The following CTNND2 variants were observed in gnomAD, a reference collection of about 807,000 sequenced individuals.
The protein encoded by CTNND2 is catenin delta 2.
In CTNND2, 22 loss-of-function variants were observed where a neutral mutation model predicts 144.4. The observed-to-expected ratio is 0.15, with a 90% CI of 0.11 to 0.22. The LOEUF (loss-of-function observed/expected upper bound fraction) is 0.22. Ranked by LOEUF, CTNND2 falls within the 10% of genes least tolerant of loss-of-function variation. The probability of loss-of-function intolerance (pLI) is 1.00; values close to 1 mark genes in which losing one functional copy is unlikely to be tolerated. For missense variants in CTNND2, 1,353 were observed against 1,618.8 expected, an observed-to-expected ratio of 0.84 and a Z score of 2.82; for synonymous variants, 751 against 695.6, an observed-to-expected ratio of 1.08 and a Z score of -1.25.
intron 1 of CTNND2, among the ~76,000 whole-genome samples, chr5:11,842,500 G>A (rs1348325086): frequency 3.9e-5 from 6 of 151,948 alleles, no homozygotes; most frequent in East Asian, 1.9e-4. Flanking sequence ...CGGGCGGATC[G>A]TGAGGTCAGG....
At chr5:11,265,698 ATTTT>A (rs5865929) in intron 9 of CTNND2, among the ~76,000 whole-genome samples, 138 of 77,426 alleles carry the variant, frequency 1.8e-3, no homozygotes, top group African/African-American at 6.9e-3. Context: ...TGTATTCTCT[ATTTT>A]TTTTTTTTTT....
intron 11 of CTNND2, among the ~76,000 whole-genome samples, chr5:11,186,968 G>C (rs1735693117): frequency 6.6e-6 from 1 of 152,154 alleles, no homozygotes; most frequent in Non-Finnish European, 1.5e-5. Flanking sequence ...ACTATGACCG[G>C]TAAGTGTGGG....
chr5:11,767,713 C>T (rs370085857), intron 1 of CTNND2, among the ~76,000 whole-genome samples: 19 of 152,176 alleles, frequency 1.2e-4, no homozygotes, highest in African/African-American at 4.6e-4. Context: ...TTTGACTGGC[C>T]AAGCACTGAT....
In CTNND2 at chr5:11,887,507, CA is replaced by C. The variant is rs35431230; in HGVS notation, c.37+16309del. 3.5e-3 allele frequency among the ~76,000 whole-genome samples: 494 copies of C among 141,536 alleles called. 5 individuals are homozygous for C. The highest frequency in any genetic ancestry group is 0.011 in the African/African-American group (431 of 38,514). 92.9% of individuals were successfully genotyped at this position (141,536 alleles called of 152,430 possible). On this transcript the variant is annotated intron_variant, in intron 1 of 21. Coordinates refer to ENST00000304623, the MANE Select transcript of CTNND2 (RefSeq NM_001332.4). ...GAGATCTTTAAAAACTTTGAGCAAG[CA>C]AAAAAAAAAACTTCTAGTGTTAAAA...
intron 11 of CTNND2, among the ~76,000 whole-genome samples, chr5:11,179,623 T>C (rs921895017): frequency 1.3e-5 from 2 of 152,160 alleles, no homozygotes; most frequent in African/African-American, 2.4e-5. Flanking sequence ...ATAAGAGATA[T>C]GGTTTTAAAA....
At chr5:11,346,288 T>C (rs1754766970) in intron 9 of CTNND2, 84 bp downstream of exon 9, 1 of 1,269,068 alleles carries the variant, frequency 7.9e-7, no homozygotes, top group African/African-American at 1.5e-5. Flanking sequence ...GTGACATAAA[T>C]GCAACATGAC....
intron 9 of CTNND2, among the ~76,000 whole-genome samples, chr5:11,342,430 A>T (rs61750719): frequency 9.3e-4 from 142 of 152,350 alleles, no homozygotes; most frequent in Middle Eastern, 3.4e-3. Context: ...CATCAGCATT[A>T]AAAATGTGCC....
chr5:11,075,099 C>T (rs1387705129), intron 16 of CTNND2, among the ~76,000 whole-genome samples: 1 of 152,174 alleles, frequency 6.6e-6, no homozygotes, highest in Admixed American at 6.5e-5. Context: ...ATTTTGTTCA[C>T]GTGGGAAAAC....
chr5:11,636,600 C>T (rs536668095), intron 2 of CTNND2, among the ~76,000 whole-genome samples: 1 of 152,262 alleles, frequency 6.6e-6, no homozygotes, highest in African/African-American at 2.4e-5. Flanking sequence ...ACCTCTGGTA[C>T]AATTGGCAAG....
chr5:11,373,937 C>A (rs1757683579), intron 7 of CTNND2, among the ~76,000 whole-genome samples: 1 of 152,140 alleles, frequency 6.6e-6, no homozygotes, highest in Non-Finnish European at 1.5e-5. Context: ...TAGCATGCCT[C>A]CTGCTGGGAA....
intron 2 of CTNND2, among the ~76,000 whole-genome samples, chr5:11,722,092 T>C (rs1786722427): frequency 6.6e-6 from 1 of 152,192 alleles, no homozygotes; most frequent in Admixed American, 6.5e-5. Context: ...AACCACCTAT[T>C]TACTCACTTC....
chr5:11,358,034 G>A (rs1756074445), intron 8 of CTNND2, among the ~76,000 whole-genome samples: 2 of 152,022 alleles, frequency 1.3e-5, no homozygotes, highest in African/African-American at 2.4e-5. Context: ...CATTCAATGT[G>A]CCGTTGAAAT....
At chr5:11,549,622 C>A (rs1775587354) in intron 3 of CTNND2, among the ~76,000 whole-genome samples, 1 of 152,124 alleles carries the variant, frequency 6.6e-6, no homozygotes, top group South Asian at 2.1e-4. Flanking sequence ...TCCCACATTA[C>A]TCTCTTTGGT....
At chr5:11,844,995 G>T (rs1425428788) in intron 1 of CTNND2, among the ~76,000 whole-genome samples, 1 of 152,062 alleles carries the variant, frequency 6.6e-6, no homozygotes, top group Non-Finnish European at 1.5e-5. Context: ...GAGCTAGCGT[G>T]TGACTCTAAC....
chr5:11,209,216 G>A (rs1738365058), intron 10 of CTNND2, among the ~76,000 whole-genome samples: 1 of 152,086 alleles, frequency 6.6e-6, no homozygotes, highest in Non-Finnish European at 1.5e-5. Flanking sequence ...ACTTTCATCT[G>A]GAATATTAAG....
At chr5:11,060,410 A>T (rs1288270535) in intron 16 of CTNND2, among the ~76,000 whole-genome samples, 3 of 152,184 alleles carry the variant, frequency 2.0e-5, no homozygotes, top group Admixed American at 6.5e-5. Flanking sequence ...ATGACTACAC[A>T]CACACACACA....
At chr5:11,282,775 T>C (rs1478064538) in intron 9 of CTNND2, among the ~76,000 whole-genome samples, 8 of 152,244 alleles carry the variant, frequency 5.3e-5, no homozygotes, top group Non-Finnish European at 1.2e-4. Flanking sequence ...GCAATGCTTT[T>C]AAATTATTCC....
intron 3 of CTNND2, among the ~76,000 whole-genome samples, chr5:11,430,083 C>G (rs6894143): frequency 0.013 from 2,025 of 151,590 alleles, 47 homozygotes; most frequent in African/African-American, 0.047. Context: ...AAACTAGTCT[C>G]TACTAAAAAT....
intron 2 of CTNND2, among the ~76,000 whole-genome samples, chr5:11,598,312 C>G (rs574811706): frequency 1.6e-3 from 246 of 152,234 alleles, no homozygotes; most frequent in African/African-American, 5.6e-3. Flanking sequence ...CTCCATCCCT[C>G]TACACCACAA....
Sources: allele counts gnomAD v4.1 joint callset (sites outside exome capture counted in the v4.1 genomes callset), GRCh38; gene constraint gnomAD v4.1.1; transcripts MANE v1.5; gene names NCBI Gene and HGNC (gene_info 2026-07-23, HGNC 2026-07-21).